JAK2: variants seen among roughly 807,000 people sequenced by gnomAD.
JAK2 encodes Janus kinase 2, also known as tyrosine-protein kinase JAK2.
Under a neutral mutation model 139.3 loss-of-function variants are expected in JAK2, and 86 were observed. The observed-to-expected ratio is 0.62, with a 90% CI of 0.52 to 0.74. The LOEUF (loss-of-function observed/expected upper bound fraction) is 0.74. JAK2 is among the 30% of genes least tolerant of loss of function. The probability of loss-of-function intolerance (pLI) is 0.00; values close to 1 mark genes in which losing one functional copy is unlikely to be tolerated. For missense variants in JAK2, 1,421 were observed against 1,360.3 expected (o/e 1.04, Z -0.70); for synonymous variants, 490 against 437.7 (o/e 1.12, Z -1.49).
In JAK2 at chr9:5,069,915, A is replaced by G; in HGVS notation, c.1514-10A>G. ...TTTTGAAGTGATATATATGTATTTT[A>G]TTTTTTCAGATAAATCAAACCTTCT... is the stretch of plus-strand genomic sequence containing the variant. On this transcript the variant is annotated splice_polypyrimidine_tract_variant and intron_variant, in intron 11 of 24. Coordinates refer to ENST00000381652, the MANE Select transcript of JAK2 (RefSeq NM_004972.4). The G allele has an allele frequency of 6.4e-7, 1 of 1,564,204 alleles. No individual in the cohort carries two copies. The highest frequency in any genetic ancestry group is 2.3e-5 in the East Asian group (1 of 44,028).
chr9:5,093,614 G>T (rs73639263), intron 22 of JAK2, among the ~76,000 whole-genome samples: 5,484 of 152,146 alleles, frequency 0.036, 134 homozygotes, highest in African/African-American at 0.067. Flanking sequence ...TAAAAATTTT[G>T]GTTGGGGTGA....
intron 22 of JAK2, chr9:5,111,711 TGCACCA>T: frequency 2.3e-6 from 1 of 432,382 alleles, no homozygotes; most frequent in Non-Finnish European, 4.6e-6. Context: ...TTTGGCGGCC[TGCACCA>T]GCACGAGCGC....
At chr9:5,057,580 C>CTTTTTTTTTTTTTTTTTTTTTTTT (rs541931562) in intron 8 of JAK2, among the ~76,000 whole-genome samples, 1 of 116,800 alleles carries the variant, frequency 8.6e-6, no homozygotes. Context: ...ATTCTACTTT[C>CTTTTTTTTTTTTTTTTTTTTTTTT]TTTTTTTTTT....
intron 22 of JAK2, chr9:5,112,846 G>A (rs1053433864): frequency 2.4e-5 from 12 of 507,822 alleles, no homozygotes; most frequent in Admixed American, 3.9e-5. Context: ...CTGGGCACGT[G>A]TGAAAGGTAC....
At chr9:5,033,723 A>G (rs1586671264) in intron 4 of JAK2, among the ~76,000 whole-genome samples, 1 of 152,216 alleles carries the variant, frequency 6.6e-6, no homozygotes, top group African/African-American at 2.4e-5. Context: ...CCTGCCCTAA[A>G]AGAGCTCCTG....
chr9:5,123,132 T>C lies in JAK2; in HGVS notation c.3177+11T>C, dbSNP rs1823741266. 2.6e-6 allele frequency: 4 copies of C among 1,525,908 alleles called. No individual in the cohort carries two copies. The highest frequency in any genetic ancestry group is 3.6e-6 in the Non-Finnish European group (4 of 1,117,768). The allele number at this position is 1,525,908 out of a possible 1,614,324, so 94.5% of individuals were successfully genotyped here. A position where few individuals can be genotyped will look rare whatever the true frequency, so the allele number is the denominator to read the frequency against. On this transcript the variant is annotated intron_variant, in intron 23 of 24. Transcript: ENST00000381652. ...AAAAGTCCACCAGCGGTCAGTGTGC[T>C]TTTTATTTACTTTCAGTTTTTTGTT...
At chr9:4,998,362 T>G (rs1473002654) in intron 2 of JAK2, among the ~76,000 whole-genome samples, 1 of 152,100 alleles carries the variant, frequency 6.6e-6, no homozygotes, top group Non-Finnish European at 1.5e-5. Context: ...ATTCAAGCAA[T>G]TCTCCTACCT....
chr9:5,030,025 CA>C, intron 4 of JAK2, 119 bp downstream of exon 4: 1 of 748,506 alleles, frequency 1.3e-6, no homozygotes, highest in Non-Finnish European at 2.1e-6. Context: ...AGTTAGCACT[CA>C]TTTAAGATTT....
chr9:5,067,603 C>G (rs1253454972), intron 10 of JAK2, among the ~76,000 whole-genome samples: 1 of 151,898 alleles, frequency 6.6e-6, no homozygotes, highest in African/African-American at 2.4e-5. Context: ...TTCAAAGTAT[C>G]CTGTTACTAT....
chr9:5,062,053 AGT>A (rs1818214314), intron 8 of JAK2, among the ~76,000 whole-genome samples: 2 of 152,154 alleles, frequency 1.3e-5, no homozygotes. Context: ...ATATAGGCCC[AGT>A]GTGTGGTGCC....
intron 22 of JAK2, among the ~76,000 whole-genome samples, chr9:5,120,079 C>T (rs1394819287): frequency 6.6e-6 from 1 of 152,124 alleles, no homozygotes; most frequent in Admixed American, 6.5e-5. Context: ...GGTTAGGAGT[C>T]CATGAAAAAA....
rs577137911 is a variant in JAK2, at chr9:5,052,708, C to T, written c.615-1855C>T. On this transcript the variant is annotated intron_variant, in intron 6 of 24. Transcript: ENST00000381652. The stretch of plus-strand genomic sequence containing the variant: ...TTTTTGTTTGCGTGGATTTTCCTGT[C>T]TCAAACATTTCATATAAATAGAATC... Among the ~76,000 whole-genome samples the T allele has an allele frequency of 3.9e-5, 6 of 152,162 alleles. No individual in the cohort carries two copies. In the South Asian group the frequency reaches 1.2e-3, roughly 32 times the overall value.
At chr9:5,117,781 G>C (rs868071264) in intron 22 of JAK2, among the ~76,000 whole-genome samples, 4 of 152,124 alleles carry the variant, frequency 2.6e-5, no homozygotes, top group African/African-American at 7.2e-5. Context: ...ATTTTTAAGA[G>C]TATACGAGGA....
chr9:5,089,965 C>A, intron 20 of JAK2, 102 bp downstream of exon 20: 1 of 694,338 alleles, frequency 1.4e-6, no homozygotes. Context: ...TATGCCAATG[C>A]CCAGAGGGAG....
intron 10 of JAK2, 74 bp downstream of exon 10, chr9:5,066,863 T>C: frequency 3.3e-6 from 2 of 601,426 alleles, no homozygotes; most frequent in Non-Finnish European, 5.3e-6. Flanking sequence ...TTATTTACCA[T>C]ATTTCCTTTT....
chr9:5,075,179 A>G (rs1320161687), intron 14 of JAK2, among the ~76,000 whole-genome samples: 1 of 152,144 alleles, frequency 6.6e-6, no homozygotes, highest in Non-Finnish European at 1.5e-5. Flanking sequence ...AAAAGAAGCC[A>G]TGTGCACAGC....
At chr9:5,011,963 C>T (rs1363273170) in intron 2 of JAK2, among the ~76,000 whole-genome samples, 1 of 152,232 alleles carries the variant, frequency 6.6e-6, no homozygotes, top group African/African-American at 2.4e-5. Flanking sequence ...AATCCTGACT[C>T]TCCAGGACCA....
intron 8 of JAK2, among the ~76,000 whole-genome samples, chr9:5,058,020 A>G (rs573678062): frequency 2.5e-4 from 38 of 152,258 alleles, no homozygotes; most frequent in South Asian, 2.3e-3. Context: ...GCATGTATCA[A>G]TTTCCTTCAT....
chr9:5,054,285 T>C lies in JAK2; in HGVS notation c.615-278T>C, dbSNP rs933013449. Among the ~76,000 whole-genome samples, 6 of 152,072 alleles carry C rather than the reference T, an allele frequency of 3.9e-5. No homozygotes were observed. Among genetic ancestry groups the C allele is most frequent in the African/African-American group, 1.4e-4 (6 of 41,446 alleles). Reference sequence around the variant, plus strand: ...GGAATTTTTAGAGATTCTTATTAACTAGACTGAGGATTCATTTCATTAGGG... The same window carrying C: ...GGAATTTTTAGAGATTCTTATTAACCAGACTGAGGATTCATTTCATTAGGG... On this transcript the variant is annotated intron_variant, in intron 6 of 24. Coordinates refer to ENST00000381652, the MANE Select transcript of JAK2 (RefSeq NM_004972.4). This position sits in a 1 kb window ranked among gnomAD's most constrained non-coding sequence, Gnocchi z 4.9.
Sources: allele counts gnomAD v4.1 joint callset (sites outside exome capture counted in the v4.1 genomes callset), GRCh38; gene constraint gnomAD v4.1.1; non-coding constraint Gnocchi (gnomAD v3.1); transcripts MANE v1.5; gene names NCBI Gene and HGNC (gene_info 2026-07-23, HGNC 2026-07-21).